The following PDZD2 variants were observed in gnomAD, a reference collection of about 807,000 sequenced individuals.
PDZD2 encodes PDZ domain containing 2, also known as PDZ domain-containing protein 2.
In PDZD2, 90 loss-of-function variants were observed where a neutral mutation model predicts 220.7. That is an observed-to-expected ratio of 0.41 (90% CI 0.34 to 0.49). The LOEUF (loss-of-function observed/expected upper bound fraction) is 0.49, where lower values mean the gene tolerates loss of function less well. Among genes scored for constraint, PDZD2 ranks in the 20% least tolerant of loss-of-function variants. The pLI is 0.28. For missense variants in PDZD2, 3,174 were observed against 3,608.5 expected, an observed-to-expected ratio of 0.88 and a Z score of 3.08; for synonymous variants, 1,375 against 1,450.5, an observed-to-expected ratio of 0.95 and a Z score of 1.18.
chr5:31,740,098 G>A (rs892744407), intron 1 of PDZD2, among the ~76,000 whole-genome samples: 7 of 152,030 alleles, frequency 4.6e-5, no homozygotes, highest in East Asian at 3.9e-4. Flanking sequence ...TCCACCTCTC[G>A]GTAGCCATTG....
intron 2 of PDZD2, among the ~76,000 whole-genome samples, chr5:31,822,092 C>T (rs528009349): frequency 6.6e-6 from 1 of 152,124 alleles, no homozygotes; most frequent in African/African-American, 2.4e-5. Context: ...TCCAGTCTAT[C>T]ATTGATGGGC....
intron 2 of PDZD2, among the ~76,000 whole-genome samples, chr5:31,891,786 GC>G (rs1201032986): frequency 6.6e-6 from 1 of 152,202 alleles, no homozygotes; most frequent in East Asian, 1.9e-4. Flanking sequence ...CTCACCCTGT[GC>G]CCAGATCATG....
At chr5:31,665,200 C>T (rs1228841724) in intron 1 of PDZD2, 1 of 150,082 alleles carries the variant, frequency 6.7e-6, no homozygotes, top group East Asian at 2.0e-4. Flanking sequence ...TTCCCCTCTT[C>T]TCCTCCTGAG....
At chr5:31,653,504 T>G (rs1345221666) in intron 1 of PDZD2, among the ~76,000 whole-genome samples, 4 of 152,172 alleles carry the variant, frequency 2.6e-5, no homozygotes, top group African/African-American at 7.2e-5. Context: ...AAACATATAA[T>G]CTAATGTGAG....
At chr5:31,676,800 C>T (rs944147095) in intron 1 of PDZD2, among the ~76,000 whole-genome samples, 4 of 151,916 alleles carry the variant, frequency 2.6e-5, no homozygotes, top group East Asian at 3.9e-4. Flanking sequence ...GTGATCTGCC[C>T]GCCTCGGCCT....
chr5:31,939,092 G>C (rs949521072), intron 2 of PDZD2, among the ~76,000 whole-genome samples: 2 of 152,158 alleles, frequency 1.3e-5, no homozygotes, highest in African/African-American at 4.8e-5. Context: ...AGTGAGGAAG[G>C]ATGAAAATAT....
At chr5:32,052,530 A>G in intron 8 of PDZD2, 81 bp from the exon 9 acceptor site, 2 of 1,298,962 alleles carry the variant, frequency 1.5e-6, no homozygotes, top group South Asian at 2.4e-5. Flanking sequence ...AGATTTTCAA[A>G]GTCTGAGTGT....
intron 1 of PDZD2, among the ~76,000 whole-genome samples, chr5:31,755,159 G>A (rs540506705): frequency 2.0e-5 from 3 of 152,170 alleles, no homozygotes; most frequent in East Asian, 3.8e-4. Context: ...TGGACAAACC[G>A]CAGATGCTCA....
At chr5:31,684,138 C>T (rs553475085) in intron 1 of PDZD2, among the ~76,000 whole-genome samples, 8 of 152,266 alleles carry the variant, frequency 5.3e-5, no homozygotes, top group South Asian at 2.1e-4. Context: ...CTGATGCCCC[C>T]GTACAAATTT....
intron 21 of PDZD2, among the ~76,000 whole-genome samples, chr5:32,096,897 G>A (rs1404763302): frequency 6.9e-6 from 1 of 145,444 alleles, no homozygotes; most frequent in East Asian, 2.1e-4. Context: ...GTGCAGTGGC[G>A]TGATCATGGC....
intron 5 of PDZD2, among the ~76,000 whole-genome samples, chr5:32,008,491 G>A (rs1224290980): frequency 6.6e-6 from 1 of 151,992 alleles, no homozygotes; most frequent in Non-Finnish European, 1.5e-5. Flanking sequence ...TCACCATGTT[G>A]GCCAGGCTGG....
chr5:31,670,640 G>T (rs1370116095), intron 1 of PDZD2, among the ~76,000 whole-genome samples: 1 of 151,724 alleles, frequency 6.6e-6, no homozygotes, highest in Non-Finnish European at 1.5e-5. Context: ...TCATGCTGGT[G>T]TCGAATTCCT....
intron 1 of PDZD2, among the ~76,000 whole-genome samples, chr5:31,716,317 G>C (rs1376163972): frequency 6.6e-6 from 1 of 152,146 alleles, no homozygotes; most frequent in Non-Finnish European, 1.5e-5. Flanking sequence ...ACATGGAAAT[G>C]GCTATCATGA....
At chr5:31,708,869 C>A (rs1391766718) in intron 1 of PDZD2, among the ~76,000 whole-genome samples, 1 of 143,840 alleles carries the variant, frequency 7.0e-6, no homozygotes, top group Non-Finnish European at 1.5e-5. Flanking sequence ...TAGTCCTCAG[C>A]AAATGTGTTT....
chr5:31,711,498 C>T (rs191921201), intron 1 of PDZD2, among the ~76,000 whole-genome samples: 78 of 152,334 alleles, frequency 5.1e-4, no homozygotes, highest in Non-Finnish European at 8.4e-4. Context: ...TTAAAGGACA[C>T]GCACAAGCTG....
intron 1 of PDZD2, among the ~76,000 whole-genome samples, chr5:31,709,670 T>TACA (rs1747997465): frequency 6.6e-6 from 1 of 152,172 alleles, no homozygotes; most frequent in Non-Finnish European, 1.5e-5. Flanking sequence ...CATTAAGTCA[T>TACA]GTCGGCTGGG....
intron 2 of PDZD2, among the ~76,000 whole-genome samples, chr5:31,860,835 T>C (rs984682778): frequency 2.0e-5 from 3 of 152,202 alleles, no homozygotes; most frequent in Non-Finnish European, 4.4e-5. Context: ...TCTGTGTGGA[T>C]AACTGTACAG....
At chr5:32,003,349 A>C (rs1464721123) in intron 5 of PDZD2, among the ~76,000 whole-genome samples, 6 of 23,144 alleles carry the variant, frequency 2.6e-4, no homozygotes, top group East Asian at 1.7e-3. Context: ...CCACACACAC[A>C]CCACACACCA....
At position 32,088,239 on chromosome 5, in the gene PDZD2, A is replaced by G. The variant is rs1326365921; in HGVS notation, c.4791A>G (p.Glu1597=). ...HKEDPSESEE[E]QIEICSTRGC... is the part of the protein sequence containing the mutation. ...AAGATCCTTCGGAGTCAGAAGAGGA[A>G]CAGATTGAGATTTGTTCCACACGTG... Residue 1597 remains glutamate (E), a synonymous_variant, in exon 20 of 25, where the codon GAA becomes GAG. Coordinates refer to ENST00000438447, the MANE Select transcript of PDZD2 (RefSeq NM_178140.4). This position sits in a 1 kb window ranked among gnomAD's most constrained non-coding sequence, Gnocchi z 4.6. 2 of 1,614,116 alleles carry G rather than the reference A, an allele frequency of 1.2e-6. No homozygotes were observed. The highest frequency in any genetic ancestry group is 1.7e-5 in the Admixed American group (1 of 60,020).
Sources: gnomAD v4.1 joint callset for allele counts (sites outside exome capture counted in the v4.1 genomes callset) on GRCh38, gnomAD v4.1.1 for gene constraint, Gnocchi (gnomAD v3.1) non-coding constraint, MANE v1.5 for transcripts, NCBI Gene and HGNC (gene_info 2026-07-23, HGNC 2026-07-21) for gene names.